Variants in GPRASP3 observed in about 807,000 individuals in gnomAD.
GPRASP3 encodes G protein-coupled receptor associated sorting protein 3.
the GPRASP3 span, among the ~76,000 whole-genome samples, chrX:102,732,528 A>T: frequency 1.2e-3 from 133 of 112,217 alleles, no homozygotes; most frequent in African/African-American, 3.9e-3. Flanking sequence ...AGGAATAAGC[A>T]GGGTTAGTCC....
the GPRASP3 span, among the ~76,000 whole-genome samples, chrX:102,738,909 G>A: frequency 9.0e-6 from 1 of 111,716 alleles, no homozygotes; most frequent in South Asian, 3.8e-4. Context: ...ACATTTTAGG[G>A]AGAGATGAGA....
the GPRASP3 span, among the ~76,000 whole-genome samples, chrX:102,739,491 C>T: frequency 0.057 from 6,332 of 110,562 alleles, 191 homozygotes; most frequent in Non-Finnish European, 0.093. Flanking sequence ...AAACAGGAGC[C>T]CTTGTATTCA....
the GPRASP3 span, among the ~76,000 whole-genome samples, chrX:102,731,278 G>C: frequency 1.8e-5 from 2 of 112,334 alleles, no homozygotes; most frequent in African/African-American, 6.5e-5. Flanking sequence ...GGGGTACAAA[G>C]CAGAAAAAGA....
the GPRASP3 span, chrX:102,750,751 C>T: frequency 3.3e-6 from 2 of 614,552 alleles, no homozygotes; most frequent in East Asian, 3.8e-5. Context: ...GTGACAGGCT[C>T]TAGGTTTGAG....
the GPRASP3 span, among the ~76,000 whole-genome samples, chrX:102,738,303 A>G: frequency 8.9e-6 from 1 of 112,151 alleles, no homozygotes; most frequent in Non-Finnish European, 1.9e-5. Flanking sequence ...CAAATGGGGC[A>G]TCCCCCATCA....
chrX:102,729,681 C>T, the GPRASP3 span, among the ~76,000 whole-genome samples: 3 of 111,854 alleles, frequency 2.7e-5, no homozygotes, highest in Non-Finnish European at 5.6e-5. Flanking sequence ...ATCAGCCTGG[C>T]CAACATGGAG....
At chrX:102,741,864 A>G in the GPRASP3 span, among the ~76,000 whole-genome samples, 3 of 112,380 alleles carry the variant, frequency 2.7e-5, no homozygotes, top group African/African-American at 9.7e-5. Context: ...TAAAATATTG[A>G]AAGAAATACT....
the GPRASP3 span, chrX:102,750,399 T>C: frequency 8.3e-7 from 1 of 1,201,805 alleles, no homozygotes. Context: ...TGAAACTACT[T>C]TTAAATATGT....
chrX:102,752,163 A>G, the GPRASP3 span: 1 of 122,685 alleles, frequency 8.2e-6, no homozygotes, highest in South Asian at 3.8e-4. Flanking sequence ...TGCTGTGTCA[A>G]CCTACAAGAT....
At chrX:102,737,870 A>G in the GPRASP3 span, among the ~76,000 whole-genome samples, 1 of 111,483 alleles carries the variant, frequency 9.0e-6, no homozygotes, top group African/African-American at 3.3e-5. Context: ...GCTTGTCTGA[A>G]TAAGTGTGGG....
At chrX:102,734,223 C>T in the GPRASP3 span, among the ~76,000 whole-genome samples, 1 of 112,010 alleles carries the variant, frequency 8.9e-6, no homozygotes, top group Non-Finnish European at 1.9e-5. Flanking sequence ...TTAGCTTGGG[C>T]TCAGAGGCCT....
chrX:102,726,397 CA>C, the GPRASP3 span, among the ~76,000 whole-genome samples: 1 of 112,585 alleles, frequency 8.9e-6, no homozygotes, highest in African/African-American at 3.2e-5. Flanking sequence ...AAGCTTGTAG[CA>C]AAGTATTTAT....
chrX:102,735,169 T>A, the GPRASP3 span, among the ~76,000 whole-genome samples: 4 of 112,004 alleles, frequency 3.6e-5, no homozygotes, highest in African/African-American at 1.3e-4. Context: ...CACCTTTGCA[T>A]TAGTGTCAAA....
the GPRASP3 span, among the ~76,000 whole-genome samples, chrX:102,738,869 C>T: frequency 7.2e-5 from 8 of 111,520 alleles, no homozygotes; most frequent in African/African-American, 2.6e-4. Flanking sequence ...GACATGTACC[C>T]AAGGTGGTTG....
At chrX:102,750,184 A>C in the GPRASP3 span, 3 of 1,206,071 alleles carry the variant, frequency 2.5e-6, no homozygotes, top group African/African-American at 5.2e-5. Context: ...TGGGGATGAA[A>C]GACAACGCAA....
At chrX:102,731,612 G>A in the GPRASP3 span, among the ~76,000 whole-genome samples, 3 of 107,443 alleles carry the variant, frequency 2.8e-5, no homozygotes, top group East Asian at 5.8e-4. Context: ...GCAACAGAGC[G>A]AGACTCCAAC....
the GPRASP3 span, among the ~76,000 whole-genome samples, chrX:102,741,608 G>C: frequency 1.8e-5 from 2 of 112,138 alleles, no homozygotes; most frequent in African/African-American, 6.5e-5. Context: ...CAATTTTAGA[G>C]AGGCAATGCA....
chrX:102,744,851 C>T, the GPRASP3 span, among the ~76,000 whole-genome samples: 1 of 111,490 alleles, frequency 9.0e-6, no homozygotes, highest in Non-Finnish European at 1.9e-5. Context: ...AGTAGCCCCT[C>T]ACCTCCTTCA....
the GPRASP3 span, chrX:102,750,142 A>G: frequency 4.1e-6 from 5 of 1,210,767 alleles, no homozygotes; most frequent in Non-Finnish European, 3.4e-6. Context: ...TGAAATGAGA[A>G]AAAAGACTGT....
Sources: allele counts gnomAD v4.1 joint callset (sites outside exome capture counted in the v4.1 genomes callset), GRCh38; gene constraint gnomAD v4.1.1; transcripts MANE v1.5; gene names NCBI Gene and HGNC (gene_info 2026-07-23, HGNC 2026-07-21).